Variants in EPB41L1 observed in about 807,000 individuals in gnomAD.
The protein encoded by EPB41L1 is erythrocyte membrane protein band 4.1 like 1.
A neutral mutation model predicts 97.8 loss-of-function variants in EPB41L1; 29 were observed. That is an observed-to-expected ratio of 0.30 (90% confidence interval 0.22 to 0.40). The LOEUF (loss-of-function observed/expected upper bound fraction) is 0.40. EPB41L1 is among the 10% of genes least tolerant of loss of function. The probability of loss-of-function intolerance (pLI) is 1.00; values close to 1 mark genes in which losing one functional copy is unlikely to be tolerated. For missense variants in EPB41L1, 812 were observed against 1,162.3 expected (o/e 0.70, Z 4.38); for synonymous variants, 383 against 459.2 (o/e 0.83, Z 2.12).
intron 5 of EPB41L1, among the ~76,000 whole-genome samples, chr20:36,180,986 A>G (rs190268859): frequency 1.3e-5 from 2 of 152,274 alleles, no homozygotes; most frequent in East Asian, 3.9e-4. Context: ...TTCATCTATA[A>G]AAAAGAAAGT....
intron 2 of EPB41L1, among the ~76,000 whole-genome samples, chr20:36,128,360 G>A (rs371527776): frequency 7.7e-4 from 117 of 152,292 alleles, no homozygotes; most frequent in African/African-American, 2.6e-3. Flanking sequence ...GCCCCAGGCC[G>A]GGCCTTAGAT....
Position 36,175,538 on chromosome 20 carries a change from C to G in EPB41L1, c.178-13C>G, listed in dbSNP as rs771372739. The G allele has an allele frequency of 1.3e-5, 21 of 1,614,092 alleles. No individual in the cohort carries two copies. ...ACTCACTGAGCAAACTATTCCCTTG[C>G]TTGGTCCTGCAGAGCCTAGACATGG... On this transcript the variant is annotated splice_polypyrimidine_tract_variant and intron_variant, in intron 2 of 21. Coordinates refer to ENST00000338074, the MANE Select transcript of EPB41L1 (RefSeq NM_012156.2).
chr20:36,111,048 T>C (rs569579255), intron 1 of EPB41L1, among the ~76,000 whole-genome samples: 29 of 152,288 alleles, frequency 1.9e-4, no homozygotes, highest in Non-Finnish European at 3.5e-4. Context: ...CTGCTACCTT[T>C]TGGACAGTTG....
chr20:36,111,867 A>G (rs1239104139), intron 1 of EPB41L1, among the ~76,000 whole-genome samples: 2 of 151,926 alleles, frequency 1.3e-5, no homozygotes, highest in African/African-American at 4.8e-5. Flanking sequence ...AGATGGGGAC[A>G]CTGAAGCAAG....
chr20:36,125,687 G>C (rs2058936208), intron 2 of EPB41L1, among the ~76,000 whole-genome samples: 1 of 152,182 alleles, frequency 6.6e-6, no homozygotes, highest in African/African-American at 2.4e-5. Flanking sequence ...AGCTCCTGCA[G>C]CCCGTGTATA....
chr20:36,117,572 A>T (rs2058624796), intron 2 of EPB41L1, among the ~76,000 whole-genome samples: 1 of 152,226 alleles, frequency 6.6e-6, no homozygotes, highest in Non-Finnish European at 1.5e-5. Context: ...TGTAATCCTG[A>T]GAGATAAGGC....
At position 36,191,425 on chromosome 20, in the gene EPB41L1, A is replaced by T. The variant is rs534298499; in HGVS notation, c.1300+628A>T. Among the ~76,000 whole-genome samples the T allele has an allele frequency of 2.6e-5, 4 of 152,196 alleles. No individual in the cohort carries two copies. The South Asian group carries it at 8.3e-4, about 32-fold the overall frequency. On this transcript the variant is annotated intron_variant, in intron 11 of 21. Transcript: ENST00000338074. ...TAACATCAATGAAAACTGGCCCTAT[A>T]TAGTCCTGTAGCAAGCAGATAGGGC...
At chr20:36,131,116 C>T (rs1480808200) in intron 2 of EPB41L1, among the ~76,000 whole-genome samples, 1 of 152,060 alleles carries the variant, frequency 6.6e-6, no homozygotes, top group Non-Finnish European at 1.5e-5. Flanking sequence ...GCTGGGGTTA[C>T]AGGCATGTGC....
intron 1 of EPB41L1, among the ~76,000 whole-genome samples, chr20:36,099,037 C>T (rs145584108): frequency 1.2e-4 from 19 of 152,196 alleles, no homozygotes; most frequent in South Asian, 4.1e-4. Context: ...GGCGTGGTGG[C>T]GGGCACCTGT....
At chr20:36,164,193 G>C (rs2060643957) in intron 1 of EPB41L1, among the ~76,000 whole-genome samples, 1 of 152,156 alleles carries the variant, frequency 6.6e-6, no homozygotes, top group Admixed American at 6.5e-5. Flanking sequence ...CAGGAGGCAA[G>C]GGAGCTCAAG....
chr20:36,206,887 A>G lies in EPB41L1; in HGVS notation c.1669-2601A>G. On this transcript the variant is annotated intron_variant, in intron 14 of 21. Coordinates refer to ENST00000338074, the MANE Select transcript of EPB41L1 (RefSeq NM_012156.2). This position sits in a 1 kb window ranked among gnomAD's most constrained non-coding sequence, Gnocchi z 5.5. ...GGAACTGAAGAAGCACCCTCCTCAC[A>G]GAGGACAGGGCGTGCATCCCGACCC... 4 of 1,289,916 alleles carry G rather than the reference A, an allele frequency of 3.1e-6. No individual in the cohort carries two copies. The highest frequency in any genetic ancestry group is 4.0e-6 in the Non-Finnish European group (4 of 988,892). 79.9% of individuals were successfully genotyped at this position (1,289,916 alleles called of 1,614,324 possible). A position where few individuals can be genotyped will look rare whatever the true frequency, so the allele number is the denominator to read the frequency against.
At chr20:36,160,457 C>T (rs990746120) in intron 1 of EPB41L1, among the ~76,000 whole-genome samples, 3 of 151,926 alleles carry the variant, frequency 2.0e-5, no homozygotes, top group Non-Finnish European at 4.4e-5. Flanking sequence ...TGGTGGCTGG[C>T]GCCTGTAATC....
chr20:36,117,024 G>T (rs2058606324), intron 2 of EPB41L1, among the ~76,000 whole-genome samples: 1 of 152,204 alleles, frequency 6.6e-6, no homozygotes, highest in Admixed American at 6.5e-5. Flanking sequence ...AAATGCAGTT[G>T]TCACATGAAA....
intron 1 of EPB41L1, among the ~76,000 whole-genome samples, chr20:36,171,676 G>A (rs1047158096): frequency 6.6e-6 from 1 of 152,146 alleles, no homozygotes; most frequent in Admixed American, 6.6e-5. Flanking sequence ...TCTTGGCTTT[G>A]GGCTGGGCTG....
In EPB41L1 at chr20:36,222,366, C is replaced by T; in HGVS notation, c.2609C>T (p.Ser870Phe). 1 of 1,614,050 alleles carries T rather than the reference C, an allele frequency of 6.2e-7. No homozygotes were observed. Among genetic ancestry groups the T allele is most frequent in the East Asian group, 2.2e-5 (1 of 44,882 alleles). Residue 870 changes from serine (S) to phenylalanine (F), a missense_variant, in exon 21 of 22, where the codon TCC (serine) becomes TTC (phenylalanine). Coordinates refer to ENST00000338074, the MANE Select transcript of EPB41L1 (RefSeq NM_012156.2). ...KAVVYRETDP[S>F]PEERDKKPQE... Reference sequence around the variant, plus strand: ...GTCGTATACAGAGAAACAGACCCATCCCCAGAGGAGAGGGACAAGAAGCCA... The same window carrying T: ...GTCGTATACAGAGAAACAGACCCATTCCCAGAGGAGAGGGACAAGAAGCCA...
intron 2 of EPB41L1, among the ~76,000 whole-genome samples, chr20:36,136,864 G>A: frequency 6.6e-6 from 1 of 151,384 alleles, no homozygotes; most frequent in East Asian, 2.0e-4. Context: ...GATTACAGGT[G>A]TGAGCCTGAA....
chr20:36,113,008 T>A (rs1339994065), intron 2 of EPB41L1, among the ~76,000 whole-genome samples: 1 of 152,206 alleles, frequency 6.6e-6, no homozygotes, highest in African/African-American at 2.4e-5. Flanking sequence ...CTCTCCTTTT[T>A]CCATTGCACC....
At chr20:36,175,041 G>C (rs981221310) in intron 2 of EPB41L1, among the ~76,000 whole-genome samples, 1 of 152,156 alleles carries the variant, frequency 6.6e-6, no homozygotes, top group African/African-American at 2.4e-5. Flanking sequence ...AGGCCTGGAG[G>C]GGGCAGGGAC....
rs778966986 is a variant in EPB41L1, at chr20:36,209,801, T to C, written c.1982T>C (p.Leu661Pro). ...DTEGLLFSRDLNKGAPSQDDE... is the reference protein window; with the variant it reads ...DTEGLLFSRDPNKGAPSQDDE... Reference sequence around the variant, plus strand: ...GAGGGCCTGCTGTTCTCCCGGGATCTCAACAAGGGGGCCCCCAGCCAGGAT... The same window carrying C: ...GAGGGCCTGCTGTTCTCCCGGGATCCCAACAAGGGGGCCCCCAGCCAGGAT... Residue 661 changes from leucine to proline, a missense_variant, in exon 15 of 22, where the codon CTC becomes CCC. Physicochemically the swap from Leu to Pro is moderately conservative, Grantham distance 98. This residue lies in a region of EPB41L1 where 498 missense variants were observed against 622.7 expected (regional missense o/e 0.80). Coordinates refer to ENST00000338074, the MANE Select transcript of EPB41L1 (RefSeq NM_012156.2). The surrounding 1 kb of genome is among the most constrained non-coding windows in gnomAD (Gnocchi z 4.2). 7.4e-6 allele frequency: 12 copies of C among 1,613,672 alleles called. No individual in the cohort carries two copies. The South Asian group carries it at 1.3e-4, about 18-fold the overall frequency.
Sources: allele counts gnomAD v4.1 joint callset (sites outside exome capture counted in the v4.1 genomes callset), GRCh38; gene constraint gnomAD v4.1.1; regional missense constraint gnomAD v4.1.1; non-coding constraint Gnocchi (gnomAD v3.1); transcripts MANE v1.5; gene names NCBI Gene and HGNC (gene_info 2026-07-23, HGNC 2026-07-21).